The following ECHDC1 variants were observed in gnomAD, a reference collection of about 807,000 sequenced individuals.
ECHDC1 encodes the protein ethylmalonyl-CoA decarboxylase.
In ECHDC1, 29 loss-of-function variants were observed where a neutral mutation model predicts 29.7. That is an observed-to-expected ratio of 0.98 (90% CI 0.73 to 1.33). ECHDC1 has a LOEUF of 1.33. Ranked by LOEUF, ECHDC1 falls within the 40% of genes most tolerant of loss-of-function variation. The probability of loss-of-function intolerance (pLI) is 0.00; values close to 1 mark genes in which losing one functional copy is unlikely to be tolerated. For missense variants in ECHDC1, 328 were observed against 350.0 expected (o/e 0.94, Z 0.50); for synonymous variants, 126 against 123.1 (o/e 1.02, Z -0.15).
chr6:127,329,131 C>T (rs1303128921), intron 2 of ECHDC1, among the ~76,000 whole-genome samples: 1 of 151,812 alleles, frequency 6.6e-6, no homozygotes, highest in East Asian at 1.9e-4. Context: ...TAAACCTTTC[C>T]TATGATGCTG....
chr6:127,326,946 G>C, intron 3 of ECHDC1, 56 bp downstream of exon 3: 1 of 1,523,592 alleles, frequency 6.6e-7, no homozygotes, highest in Non-Finnish European at 9.0e-7. Context: ...AAATGTATCT[G>C]CCATACATGT....
rs575387560 is a variant in ECHDC1, at chr6:127,326,860, C to G, written c.363+142G>C. 4.2e-6 allele frequency: 4 copies of G among 953,400 alleles called. No homozygotes were observed. The Admixed American group carries it at 1.1e-4, about 27-fold the overall frequency. The allele number at this position is 953,400 out of a possible 1,614,324, so 59.1% of individuals were successfully genotyped here. ...TATATTGTTCCTCCTATAATCCTAC[C>G]AAAAACAAAACAAACCAAAAAATCC... is the stretch of plus-strand genomic sequence containing the variant. On this transcript the variant is annotated intron_variant, in intron 3 of 5. Transcript: ENST00000454859.
At chr6:127,323,613 C>A (rs1783036034) in intron 3 of ECHDC1, among the ~76,000 whole-genome samples, 1 of 152,126 alleles carries the variant, frequency 6.6e-6, no homozygotes, top group Non-Finnish European at 1.5e-5. Flanking sequence ...CTTGCCCAAT[C>A]ACTTAGCCAG....
chr6:127,322,748 G>A (rs905859781), intron 3 of ECHDC1, among the ~76,000 whole-genome samples: 1 of 151,824 alleles, frequency 6.6e-6, no homozygotes, highest in Non-Finnish European at 1.5e-5. Context: ...GATCTAAAGA[G>A]ACAGAAACAA....
At chr6:127,291,718 G>A (rs1221947710) in intron 5 of ECHDC1, among the ~76,000 whole-genome samples, 1 of 152,052 alleles carries the variant, frequency 6.6e-6, no homozygotes, top group African/African-American at 2.4e-5. Context: ...TCAAATGCAG[G>A]TGATTTGGTT....
chr6:127,299,715 A>AAAGGAGTACATTCT (rs1334954373), intron 5 of ECHDC1, among the ~76,000 whole-genome samples: 7 of 152,172 alleles, frequency 4.6e-5, no homozygotes, highest in African/African-American at 2.4e-5. Context: ...TGTAAAAGTA[A>AAAGGAGTACATTCT]AAGGAGTACA....
chr6:127,298,587 A>G (rs1401219398), intron 5 of ECHDC1, among the ~76,000 whole-genome samples: 1 of 151,926 alleles, frequency 6.6e-6, no homozygotes, highest in Non-Finnish European at 1.5e-5. Context: ...TCCTTTATAA[A>G]TAAGGTATAC....
intron 2 of ECHDC1, 131 bp downstream of exon 2, chr6:127,330,675 TTTG>T: frequency 1.5e-6 from 1 of 675,306 alleles, no homozygotes; most frequent in Non-Finnish European, 2.5e-6. Flanking sequence ...AGTTGTTGTT[TTTG>T]TTATTTTTCT....
intron 5 of ECHDC1, among the ~76,000 whole-genome samples, chr6:127,296,999 AC>A (rs1475133415): frequency 6.6e-6 from 1 of 152,058 alleles, no homozygotes; most frequent in African/African-American, 2.4e-5. Context: ...ACAGAGCAAG[AC>A]CTTGCCTCAA....
intron 1 of ECHDC1, 121 bp from the exon 2 acceptor site, chr6:127,331,151 CTTTT>C (rs35842645): frequency 7.6e-4 from 427 of 559,722 alleles, no homozygotes; most frequent in Middle Eastern, 2.0e-3. Flanking sequence ...TTCCCCATTT[CTTTT>C]TTTTTTTTTT....
intron 2 of ECHDC1, chr6:127,329,980 T>A: frequency 2.5e-6 from 1 of 393,612 alleles, no homozygotes; most frequent in East Asian, 7.6e-5. Flanking sequence ...ATAGTACAAC[T>A]GTATATAAAG....
intron 3 of ECHDC1, 147 bp downstream of exon 3, chr6:127,326,854 TC>T: frequency 2.4e-6 from 2 of 821,636 alleles, no homozygotes; most frequent in Non-Finnish European, 3.7e-6. Flanking sequence ...CCTCCTATAA[TC>T]CTACCAAAAA....
chr6:127,297,671 G>A (rs1780720516), intron 5 of ECHDC1, among the ~76,000 whole-genome samples: 1 of 152,194 alleles, frequency 6.6e-6, no homozygotes, highest in African/African-American at 2.4e-5. Context: ...GCAAAGGAAT[G>A]GGGGTGGGCT....
In ECHDC1 at chr6:127,289,895, C is replaced by CAATA; in HGVS notation, c.876_879dup (p.Ala294TyrfsTer3). 1.2e-6 allele frequency: 2 copies of CAATA among 1,610,412 alleles called. No individual in the cohort carries two copies. On this transcript the variant is annotated frameshift_variant, in exon 6 of 6. Coordinates refer to ENST00000454859, the MANE Select transcript of ECHDC1 (RefSeq NM_001002030.2). LOFTEE classifies it high-confidence loss of function. ...TATTTATTAAATTTTCCTTTCTTAG[C>CAATA]AATAGCCTCTAAATTTGCAGGCCCA...
intron 3 of ECHDC1, among the ~76,000 whole-genome samples, chr6:127,321,524 T>C (rs1782823280): frequency 6.6e-6 from 1 of 152,264 alleles, no homozygotes; most frequent in South Asian, 2.1e-4. Context: ...TTTCTAGTTC[T>C]TGTTAATTTT....
intron 1 of ECHDC1, among the ~76,000 whole-genome samples, chr6:127,340,601 A>G (rs1345124970): frequency 2.6e-5 from 4 of 152,240 alleles, no homozygotes; most frequent in Non-Finnish European, 1.5e-5. Flanking sequence ...GCTTTTGCCT[A>G]GAATATGCCG....
chr6:127,314,218 C>T lies in ECHDC1; in HGVS notation c.497+598G>A, dbSNP rs375959975. Among the ~76,000 whole-genome samples, 3 of 152,256 alleles carry T rather than the reference C, an allele frequency of 2.0e-5. No homozygotes were observed. In the East Asian group the frequency reaches 5.8e-4, roughly 29 times the overall value. On this transcript the variant is annotated intron_variant, in intron 5 of 5. Transcript: ENST00000454859. ...AATGGTACTGAGAAAGCAGTTTAAA[C>T]CATGTCTAAAGCATTAGATTTTATA...
intron 3 of ECHDC1, 140 bp from the exon 4 acceptor site, chr6:127,316,642 A>T: frequency 1.5e-6 from 1 of 659,884 alleles, no homozygotes; most frequent in African/African-American, 1.9e-5. Context: ...AAACTCTTTG[A>T]TGTTGTCTGA....
At chr6:127,302,774 C>T (rs1781150507) in intron 5 of ECHDC1, among the ~76,000 whole-genome samples, 1 of 152,096 alleles carries the variant, frequency 6.6e-6, no homozygotes. Flanking sequence ...TATTTCATAA[C>T]TACCTGTATT....
Sources: gnomAD v4.1 joint callset for allele counts (sites outside exome capture counted in the v4.1 genomes callset) on GRCh38, gnomAD v4.1.1 for gene constraint, MANE v1.5 for transcripts, NCBI Gene and HGNC (gene_info 2026-07-23, HGNC 2026-07-21) for gene names.